Variants in ARMC9 observed in about 807,000 individuals in gnomAD.
The protein encoded by ARMC9 is lisH domain-containing protein ARMC9.
In ARMC9, 94 loss-of-function variants were observed where a neutral mutation model predicts 107.0. That is an observed-to-expected ratio of 0.88 (90% CI 0.74 to 1.04). The LOEUF (loss-of-function observed/expected upper bound fraction) is 1.04. Ranked by LOEUF, ARMC9 falls within the 50% of genes least tolerant of loss-of-function variation. The pLI is 0.00. For missense variants in ARMC9, 942 were observed against 1,030.1 expected (o/e 0.91, Z 1.17); for synonymous variants, 380 against 396.9 (o/e 0.96, Z 0.51).
intron 20 of ARMC9, among the ~76,000 whole-genome samples, chr2:231,332,747 A>G (rs1369626178): frequency 6.6e-6 from 1 of 152,138 alleles, no homozygotes; most frequent in Non-Finnish European, 1.5e-5. Context: ...TCTGGAAGGG[A>G]GGAGCAATTG....
intron 18 of ARMC9, among the ~76,000 whole-genome samples, chr2:231,293,480 C>T (rs759162767): frequency 3.3e-5 from 5 of 152,192 alleles, no homozygotes; most frequent in Non-Finnish European, 5.9e-5. Context: ...TGTCTTCCCT[C>T]CTTCCTGGCA....
At chr2:231,220,236 G>T (rs929645882) in intron 5 of ARMC9, among the ~76,000 whole-genome samples, 10 of 150,632 alleles carry the variant, frequency 6.6e-5, no homozygotes, top group Non-Finnish European at 1.2e-4. Flanking sequence ...TTTTTTTGTT[G>T]TTTATTGAAA....
At chr2:231,302,752 C>T (rs2041830610) in intron 19 of ARMC9, among the ~76,000 whole-genome samples, 1 of 152,166 alleles carries the variant, frequency 6.6e-6, no homozygotes, top group Non-Finnish European at 1.5e-5. Context: ...CCTGTAATCT[C>T]AGCACTTTCG....
chr2:231,248,294 T>A (rs776909623), intron 9 of ARMC9, among the ~76,000 whole-genome samples: 3 of 152,222 alleles, frequency 2.0e-5, no homozygotes, highest in Admixed American at 6.5e-5. Flanking sequence ...AATGTCACAT[T>A]TCCTAACTGG....
intron 20 of ARMC9, among the ~76,000 whole-genome samples, chr2:231,338,171 C>T (rs935638041): frequency 4.0e-5 from 6 of 151,528 alleles, no homozygotes; most frequent in Admixed American, 1.3e-4. Flanking sequence ...GGTATCAAAG[C>T]GAGTGCTTCT....
intron 8 of ARMC9, among the ~76,000 whole-genome samples, chr2:231,237,243 G>T (rs1463528685): frequency 6.6e-6 from 1 of 151,330 alleles, no homozygotes; most frequent in Non-Finnish European, 1.5e-5. Flanking sequence ...CCTTAGTTGG[G>T]ATCATATGAT....
chr2:231,240,080 T>TC (rs1559337318), intron 9 of ARMC9, 39 bp downstream of exon 9: 2 of 1,497,618 alleles, frequency 1.3e-6, no homozygotes, highest in African/African-American at 1.4e-5. Flanking sequence ...CCGTGGTCTA[T>TC]CCCCCCAAAT....
At chr2:231,281,934 G>C in intron 16 of ARMC9, 125 bp from the exon 17 acceptor site, 1 of 833,550 alleles carries the variant, frequency 1.2e-6, no homozygotes, top group Non-Finnish European at 2.0e-6. Flanking sequence ...GAGCACAGGA[G>C]AGCTGCGAGG....
chr2:231,324,213 C>T (rs2043172201), intron 19 of ARMC9, among the ~76,000 whole-genome samples: 3 of 147,982 alleles, frequency 2.0e-5, no homozygotes, highest in Middle Eastern at 6.9e-3. Context: ...CTGCAACCTC[C>T]GCCTCCCAGG....
chr2:231,278,580 CT>C, intron 16 of ARMC9, 122 bp downstream of exon 16: 2 of 780,016 alleles, frequency 2.6e-6, no homozygotes, highest in South Asian at 1.8e-5. Context: ...TGTACATGTT[CT>C]CTGTCCTTCT....
At chr2:231,260,681 G>A (rs1258742041) in intron 11 of ARMC9, among the ~76,000 whole-genome samples, 3 of 152,094 alleles carry the variant, frequency 2.0e-5, no homozygotes, top group African/African-American at 7.2e-5. Flanking sequence ...AGTCATCCAC[G>A]GTGGCCGTTT....
intron 19 of ARMC9, among the ~76,000 whole-genome samples, chr2:231,316,584 C>G (rs1338988085): frequency 6.6e-6 from 1 of 150,538 alleles, no homozygotes; most frequent in Non-Finnish European, 1.5e-5. Context: ...AGGAGAATCA[C>G]TTGAATTGAG....
intron 3 of ARMC9, among the ~76,000 whole-genome samples, chr2:231,210,033 A>G (rs983051302): frequency 5.9e-5 from 9 of 152,140 alleles, no homozygotes; most frequent in Non-Finnish European, 7.4e-5. Flanking sequence ...TTCCAGAAAT[A>G]ATTTTAGGCT....
chr2:231,341,177 G>GTGAGA (rs2044478347), intron 20 of ARMC9, among the ~76,000 whole-genome samples: 1 of 152,206 alleles, frequency 6.6e-6, no homozygotes, highest in Non-Finnish European at 1.5e-5. Flanking sequence ...AGGTGGCAGA[G>GTGAGA]CAAGACCTTG....
chr2:231,206,942 G>A (rs893316232), intron 2 of ARMC9, among the ~76,000 whole-genome samples: 4 of 152,222 alleles, frequency 2.6e-5, no homozygotes, highest in Non-Finnish European at 4.4e-5. Flanking sequence ...GGCACCCACC[G>A]TGCAACTGCA....
rs114967752 is a variant in ARMC9 at position 231,353,731 on chromosome 2, G to A, written c.1995-2067G>A. ...CCACCGGCCACCTTCCACGACTGTG[G>A]ATGGAATGATGTTTCTAGCAGGGAA... On this transcript the variant is annotated intron_variant, in intron 21 of 24. Transcript: ENST00000611582. 4.6e-3 allele frequency among the ~76,000 whole-genome samples: 706 copies of A among 151,880 alleles called. 4 individuals carry two copies. Among genetic ancestry groups the A allele is most frequent in the African/African-American group, 0.016 (639 of 41,220 alleles).
intron 8 of ARMC9, 23 bp from the exon 9 acceptor site, chr2:231,239,920 A>T (rs2036125357): frequency 6.2e-7 from 1 of 1,600,514 alleles, no homozygotes. Context: ...CCATCACCAG[A>T]TGTCTTTGTA....
chr2:231,294,441 A>G (rs2041222230), intron 18 of ARMC9: 1 of 152,268 alleles, frequency 6.6e-6, no homozygotes, highest in African/African-American at 2.4e-5. Context: ...CGTGTGTTAG[A>G]TATCGGAGTG....
intron 19 of ARMC9, among the ~76,000 whole-genome samples, chr2:231,327,053 C>T (rs1264597553): frequency 6.6e-6 from 1 of 152,096 alleles, no homozygotes; most frequent in Non-Finnish European, 1.5e-5. Flanking sequence ...TTTTTCCCTC[C>T]ATAGCCAGCA....
Sources: allele counts gnomAD v4.1 joint callset (sites outside exome capture counted in the v4.1 genomes callset), GRCh38; gene constraint gnomAD v4.1.1; transcripts MANE v1.5; gene names NCBI Gene and HGNC (gene_info 2026-07-23, HGNC 2026-07-21).